Variants in TAB2 observed in about 807,000 individuals in gnomAD.
The protein encoded by TAB2 is TGF-beta-activated kinase 1 and MAP3K7-binding protein 2.
Under a neutral mutation model 65.0 loss-of-function variants are expected in TAB2, and 3 were observed. The ratio of observed to expected loss-of-function variants is 0.05; its 90% CI spans 0.02 to 0.12. The LOEUF is 0.12. Ranked by LOEUF, TAB2 falls within the 10% of genes least tolerant of loss-of-function variation. The pLI is 1.00. For missense variants in TAB2, 623 were observed against 840.3 expected, an observed-to-expected ratio of 0.74 and a Z score of 3.20; for synonymous variants, 298 against 285.1, an observed-to-expected ratio of 1.05 and a Z score of -0.46.
At chr6:149,290,340 G>C (rs1294602395) in intron 1 of TAB2, among the ~76,000 whole-genome samples, 2 of 152,112 alleles carry the variant, frequency 1.3e-5, no homozygotes, top group Non-Finnish European at 2.9e-5. Flanking sequence ...TCTTTTCAGA[G>C]GATGCATACC....
chr6:149,391,118 C>G (rs958938419), intron 3 of TAB2, among the ~76,000 whole-genome samples: 1 of 152,114 alleles, frequency 6.6e-6, no homozygotes, highest in African/African-American at 2.4e-5. Context: ...ATCTGGAAAT[C>G]CCCTCATATT....
At chr6:149,238,306 G>C (rs1224698664) in intron 1 of TAB2, among the ~76,000 whole-genome samples, 1 of 152,132 alleles carries the variant, frequency 6.6e-6, no homozygotes, top group Non-Finnish European at 1.5e-5. Context: ...TCTTGCTCTA[G>C]AGGGCATCTG....
At chr6:149,362,337 C>T (rs373052107) in intron 1 of TAB2, among the ~76,000 whole-genome samples, 5 of 152,314 alleles carry the variant, frequency 3.3e-5, no homozygotes, top group Admixed American at 2.0e-4. Flanking sequence ...CCTCAGGAAG[C>T]TTACAGCTAT....
chr6:149,319,462 A>G (rs1779365057), intron 1 of TAB2, among the ~76,000 whole-genome samples: 1 of 152,234 alleles, frequency 6.6e-6, no homozygotes, highest in African/African-American at 2.4e-5. Context: ...TTAATTAGAA[A>G]CAATGGGAAG....
chr6:149,340,462 AAATATTACTTAAT>A (rs1467511580), intron 1 of TAB2, among the ~76,000 whole-genome samples: 7 of 152,198 alleles, frequency 4.6e-5, no homozygotes, highest in African/African-American at 1.7e-4. Context: ...TTCGATGAGT[AAATATTACTTAAT>A]ATGTTTTTTT....
At chr6:149,289,268 C>T (rs566759251) in intron 1 of TAB2, among the ~76,000 whole-genome samples, 1 of 152,164 alleles carries the variant, frequency 6.6e-6, no homozygotes, top group South Asian at 2.1e-4. Flanking sequence ...TGGCTCATGC[C>T]TGTAATCCCA....
At chr6:149,248,281 A>G (rs1417324484) in intron 1 of TAB2, among the ~76,000 whole-genome samples, 1 of 152,006 alleles carries the variant, frequency 6.6e-6, no homozygotes, top group East Asian at 1.9e-4. Context: ...AATCCCAACT[A>G]CTTGGGAGGC....
At chr6:149,289,231 T>C (rs1778731200) in intron 1 of TAB2, among the ~76,000 whole-genome samples, 1 of 151,900 alleles carries the variant, frequency 6.6e-6, no homozygotes, top group East Asian at 1.9e-4. Flanking sequence ...TAGCTCAAAA[T>C]AAAAGGCAAA....
At chr6:149,269,519 C>A (rs1384010310) in intron 1 of TAB2, among the ~76,000 whole-genome samples, 5 of 152,012 alleles carry the variant, frequency 3.3e-5, no homozygotes, top group Non-Finnish European at 4.4e-5. Flanking sequence ...AGTTGTGTAA[C>A]CACCACCAGG....
chr6:149,397,510 A>AT, intron 3 of TAB2, 94 bp from the exon 4 acceptor site: 1 of 1,433,744 alleles, frequency 7.0e-7, no homozygotes, highest in Non-Finnish European at 9.8e-7. Flanking sequence ...TAGCTTTGGG[A>AT]TTTCTGACAA....
intron 1 of TAB2, among the ~76,000 whole-genome samples, chr6:149,352,838 G>A (rs1780534542): frequency 6.6e-6 from 1 of 152,178 alleles, no homozygotes; most frequent in Non-Finnish European, 1.5e-5. Flanking sequence ...GAAGCCCAGT[G>A]ATTTTGTTTC....
At chr6:149,389,735 A>T in intron 3 of TAB2, among the ~76,000 whole-genome samples, 1 of 150,994 alleles carries the variant, frequency 6.6e-6, no homozygotes, top group Non-Finnish European at 1.5e-5. Flanking sequence ...TATTGTTTTG[A>T]GGCTCTTTTG....
chr6:149,342,324 G>T (rs1780155490), intron 1 of TAB2, among the ~76,000 whole-genome samples: 1 of 152,070 alleles, frequency 6.6e-6, no homozygotes. Flanking sequence ...TGAAAATGAG[G>T]ACTTTACATT....
intron 1 of TAB2, among the ~76,000 whole-genome samples, chr6:149,367,188 A>G (rs1021227687): frequency 1.3e-5 from 2 of 152,128 alleles, no homozygotes; most frequent in Non-Finnish European, 2.9e-5. Flanking sequence ...TCAGGTATTG[A>G]TACATGTTAT....
intron 1 of TAB2, among the ~76,000 whole-genome samples, chr6:149,302,962 T>A (rs867263065): frequency 7.9e-5 from 12 of 152,344 alleles, no homozygotes; most frequent in African/African-American, 9.6e-5. Context: ...CTGCCTCCTG[T>A]CAGGTCAGTG....
intron 1 of TAB2, among the ~76,000 whole-genome samples, chr6:149,220,366 C>T (rs1460137716): frequency 6.6e-6 from 1 of 152,114 alleles, no homozygotes; most frequent in African/African-American, 2.4e-5. Context: ...TATCAATGAA[C>T]TTTTCCTGCT....
chr6:149,363,030 T>C (rs1780906219), intron 1 of TAB2, among the ~76,000 whole-genome samples: 1 of 152,190 alleles, frequency 6.6e-6, no homozygotes, highest in Non-Finnish European at 1.5e-5. Context: ...AAAATTATAC[T>C]TTTCTTCCCT....
intron 1 of TAB2, chr6:149,252,959 C>G (rs1777891164): frequency 6.6e-6 from 1 of 152,360 alleles, no homozygotes; most frequent in South Asian, 2.1e-4. Context: ...CAGAGGCAGC[C>G]CAGCCAAGCT....
intron 2 of TAB2, among the ~76,000 whole-genome samples, chr6:149,371,372 G>T (rs1781221056): frequency 6.6e-6 from 1 of 152,062 alleles, no homozygotes; most frequent in African/African-American, 2.4e-5. Flanking sequence ...CTTGACTAGG[G>T]CATACAAGGT....
Sources: gnomAD v4.1 joint callset for allele counts (sites outside exome capture counted in the v4.1 genomes callset) on GRCh38, gnomAD v4.1.1 for gene constraint, MANE v1.5 for transcripts, NCBI Gene and HGNC (gene_info 2026-07-23, HGNC 2026-07-21) for gene names.